CD22: variants seen among roughly 807,000 people sequenced by gnomAD.
CD22 encodes B-cell receptor CD22.
A neutral mutation model predicts 94.7 loss-of-function variants in CD22; 51 were observed. The observed-to-expected ratio is 0.54, with a 90% CI of 0.43 to 0.68. The LOEUF (loss-of-function observed/expected upper bound fraction) is 0.68. CD22 is among the 30% of genes least tolerant of loss of function. The pLI is 0.00. For synonymous variants in CD22, 424 were observed against 422.5 expected (o/e 1.00, Z -0.04); for missense variants, 931 against 1,060.4 (o/e 0.88, Z 1.69).
At position 35,337,638 on chromosome 19, in the gene CD22, A is replaced by G. The variant is rs746035921; in HGVS notation, c.719-117A>G. The G allele has an allele frequency of 1.3e-4, 112 of 891,348 alleles. No homozygotes were observed. The African/African-American group carries it at 1.6e-3, about 12-fold the overall frequency. 55.2% of individuals were successfully genotyped at this position (891,348 alleles called of 1,614,324 possible). On this transcript the variant is annotated intron_variant, in intron 4 of 13. Transcript: ENST00000085219. This position sits in a 1 kb window ranked among gnomAD's most constrained non-coding sequence, Gnocchi z 4.4. Reference sequence around the variant, plus strand: ...AGAGCCGAGTTAGGAGGCTGTGACCATCACCTGGGTGAAGGGACTGGCAGG... The same window carrying G: ...AGAGCCGAGTTAGGAGGCTGTGACCGTCACCTGGGTGAAGGGACTGGCAGG...
At position 35,332,625 on chromosome 19, in the gene CD22, C is replaced by T. The variant is rs144011147; in HGVS notation, c.113C>T (p.Ala38Val). Residue 38 changes from alanine (A) to valine (V), a missense_variant, in exon 3 of 14, where the codon GCC (alanine) becomes GTC (valine). By Grantham distance (64) the Ala-to-Val change is moderately conservative (BLOSUM62 0). Transcript: ENST00000085219. ...GAAACCCTCTACGCCTGGGAGGGGG[C>T]CTGCGTCTGGATCCCCTGCACCTAC... is the stretch of plus-strand genomic sequence containing the variant. Reference protein sequence around the residue: ...HPETLYAWEGACVWIPCTYRA... With the variant: ...HPETLYAWEGVCVWIPCTYRA... 9.4e-5 allele frequency: 151 copies of T among 1,613,932 alleles called. No individual in the cohort carries two copies. The African/African-American group carries it at 1.8e-3, about 19-fold the overall frequency.
intron 5 of CD22, 26 bp downstream of exon 5, chr19:35,338,047 G>A (rs1454981226): frequency 1.3e-6 from 2 of 1,591,796 alleles, no homozygotes; most frequent in African/African-American, 1.3e-5. Flanking sequence ...CTGGGGACAG[G>A]CCAGGCAGGG....
rs2066813216 is a variant in CD22, at chr19:35,341,754, G to A, written c.1824G>A (p.Glu608=). Residue 608 remains glutamate (E), a synonymous_variant, in exon 9 of 14, where the codon GAG becomes GAA. Coordinates refer to ENST00000085219, the MANE Select transcript of CD22 (RefSeq NM_001771.4). This position sits in a 1 kb window ranked among gnomAD's most constrained non-coding sequence, Gnocchi z 4.0. ...TGAGCCCGGGGGACCAAGTGATGGA[G>A]GGGAAGAGTGCAACCCTGACCTGTG... ...VSMSPGDQVM[E]GKSATLTCES... 1.2e-6 allele frequency: 2 copies of A among 1,611,848 alleles called. No homozygotes were observed. Among genetic ancestry groups the A allele is most frequent in the Non-Finnish European group, 8.5e-7 (1 of 1,179,930 alleles).
At chr19:35,333,070 C>G (rs2066668348) in intron 3 of CD22, 146 bp downstream of exon 3, 1 of 753,180 alleles carries the variant, frequency 1.3e-6, no homozygotes, top group African/African-American at 1.7e-5. Context: ...GGCGATGCAG[C>G]AGCACTAGAC....
intron 4 of CD22, chr19:35,336,602 A>T (rs1003603181): frequency 2.4e-5 from 12 of 495,330 alleles, no homozygotes; most frequent in Non-Finnish European, 4.3e-5. Context: ...CTTGGTGGGG[A>T]TTTTTTTCGC....
At chr19:35,340,844 T>C (rs771106008) in intron 6 of CD22, 37 bp from the exon 7 acceptor site, 100 of 1,612,732 alleles carry the variant, frequency 6.2e-5, no homozygotes, top group Non-Finnish European at 7.8e-5. Flanking sequence ...TGTGGACAGC[T>C]GGCTTTTCTT....
chr19:35,334,991 T>C (rs1180516281), intron 3 of CD22, among the ~76,000 whole-genome samples: 1 of 141,094 alleles, frequency 7.1e-6, no homozygotes, highest in Non-Finnish European at 1.5e-5. Flanking sequence ...GGCAGGAGAA[T>C]GGCGTGAACC....
rs767783646 is a variant in CD22 at position 35,346,643 on chromosome 19, C to T, written c.2490C>T (p.Val830=). 36 of 1,607,748 alleles carry T rather than the reference C, an allele frequency of 2.2e-5. No homozygotes were observed. Among genetic ancestry groups the T allele is most frequent in the Non-Finnish European group, 2.6e-5 (31 of 1,176,980 alleles). ...IHYSELIQFG[V]GERPQAQENV... ...ACTCAGAGCTGATCCAGTTTGGGGTCGGGGAGCGGCCTCAGGCACAAGAAA... is the reference window on the plus strand; with the variant it reads ...ACTCAGAGCTGATCCAGTTTGGGGTTGGGGAGCGGCCTCAGGCACAAGAAA... The change falls in exon 14 of 14, where the codon GTC becomes GTT. Residue 830 remains valine, a synonymous_variant. Transcript: ENST00000085219.
rs948821707 is a variant in CD22, at chr19:35,333,044, G to C, written c.412+120G>C. 6.6e-6 allele frequency: 7 copies of C among 1,052,786 alleles called. No homozygotes were observed. In the African/African-American group the frequency reaches 9.5e-5, roughly 14 times the overall value. The allele number at this position is 1,052,786 out of a possible 1,614,324, so 65.2% of individuals were successfully genotyped here. A position where few individuals can be genotyped will look rare whatever the true frequency, so the allele number is the denominator to read the frequency against. On this transcript the variant is annotated intron_variant, in intron 3 of 13. Coordinates refer to ENST00000085219, the MANE Select transcript of CD22 (RefSeq NM_001771.4). ...TTCCTGCAGAGCTCAGGCAGGGGAC[G>C]CCAGCGGATGACGATGGCGATGCAG...
intron 4 of CD22, 46 bp downstream of exon 4, chr19:35,336,387 C>A: frequency 6.3e-7 from 1 of 1,580,340 alleles, no homozygotes; most frequent in Non-Finnish European, 8.6e-7. Flanking sequence ...GTCTGTGTCA[C>A]CTTCTCCCCA....
Position 35,345,678 on chromosome 19 carries a change from A to T in CD22, c.2285A>T (p.Tyr762Phe). 6.2e-7 allele frequency: 1 copy of T among 1,612,298 alleles called. No individual in the cohort carries two copies. Among genetic ancestry groups the T allele is most frequent in the Non-Finnish European group, 8.5e-7 (1 of 1,178,366 alleles). The stretch of plus-strand genomic sequence containing the variant: ...CCAATGATGGAAGATGGCATTAGCT[A>T]CACCACCCTGCGCTTTCCCGAGATG... ...YNPMMEDGIS[Y>F]TTLRFPEMNI... The change falls in exon 12 of 14, where the codon TAC (tyrosine) becomes TTC (phenylalanine). Residue 762 changes from tyrosine to phenylalanine, a missense_variant. Physicochemically the swap from Tyr to Phe is conservative, Grantham distance 22. Coordinates refer to ENST00000085219, the MANE Select transcript of CD22 (RefSeq NM_001771.4).
intron 6 of CD22, 90 bp from the exon 7 acceptor site, chr19:35,340,791 G>C (rs770244366): frequency 8.2e-5 from 118 of 1,443,952 alleles, no homozygotes; most frequent in Non-Finnish European, 1.1e-4. Flanking sequence ...GCAGATGCCC[G>C]GGACAGGTAG....
In CD22 at chr19:35,340,940, A is replaced by T. The variant is rs748804995; in HGVS notation, c.1309A>T (p.Thr437Ser). The change falls in exon 7 of 14, where the codon ACA becomes TCA. Residue 437 changes from threonine (T) to serine (S), a missense_variant. Thr to Ser is a moderately conservative substitution (Grantham distance 58, BLOSUM62 1). Coordinates refer to ENST00000085219, the MANE Select transcript of CD22 (RefSeq NM_001771.4). ...QNPMPIREGD[T>S]VTLSCNYNSS... Reference sequence around the variant, plus strand: ...CCCCATGCCGATTCGAGAAGGAGACACAGTGACCCTTTCCTGTAACTACAA... The same window carrying T: ...CCCCATGCCGATTCGAGAAGGAGACTCAGTGACCCTTTCCTGTAACTACAA... The T allele has an allele frequency of 1.9e-6, 3 of 1,614,050 alleles. No homozygotes were observed. Among genetic ancestry groups the T allele is most frequent in the Non-Finnish European group, 1.7e-6 (2 of 1,180,022 alleles).
At position 35,338,392 on chromosome 19, in the gene CD22, A is replaced by T. The variant is rs1359161697; in HGVS notation, c.1210A>T (p.Thr404Ser). Residue 404 changes from threonine to serine, a missense_variant, in exon 6 of 14, where the codon ACT (threonine) becomes TCT (serine). By Grantham distance (58) the Thr-to-Ser change is moderately conservative. Transcript: ENST00000085219. ...CTGTGTGGCAGAAAACATTCTTGGTACTGGACAGAGGGGCCCGGGAGCTGA... is the reference window on the plus strand; with the variant it reads ...CTGTGTGGCAGAAAACATTCTTGGTTCTGGACAGAGGGGCCCGGGAGCTGA... ...YSCVAENILG[T>S]GQRGPGAELD... is the part of the protein sequence containing the mutation. 4 of 1,614,100 alleles carry T rather than the reference A, an allele frequency of 2.5e-6. No homozygotes were observed. The East Asian group carries it at 6.7e-5, about 27-fold the overall frequency.
Position 35,341,244 on chromosome 19 carries a change from G to C in CD22, c.1508-99G>C. On this transcript the variant is annotated intron_variant, in intron 7 of 13. Transcript: ENST00000085219. The surrounding 1 kb of genome is among the most constrained non-coding windows in gnomAD (Gnocchi z 4.0). ...GGGCCAGTGTCTTCAACAGAATTGA[G>C]GGACAGGAGCCTGGCGTCAGGGCCA... 6.3e-7 allele frequency: 1 copy of C among 1,595,702 alleles called. No homozygotes were observed. The highest frequency in any genetic ancestry group is 1.1e-5 in the South Asian group (1 of 89,158).
At chr19:35,343,253 G>C (rs928381750) in intron 9 of CD22, among the ~76,000 whole-genome samples, 5 of 152,072 alleles carry the variant, frequency 3.3e-5, no homozygotes, top group Admixed American at 3.3e-4. Context: ...TTTTTAAACA[G>C]ATCATACAAG....
At chr19:35,339,371 G>C (rs1458035411) in intron 6 of CD22, among the ~76,000 whole-genome samples, 1 of 151,966 alleles carries the variant, frequency 6.6e-6, no homozygotes, top group Non-Finnish European at 1.5e-5. Context: ...AGCCCAGCCT[G>C]GGCAACATGG....
At chr19:35,338,788 C>T (rs1333591079) in intron 6 of CD22, among the ~76,000 whole-genome samples, 1 of 152,098 alleles carries the variant, frequency 6.6e-6, no homozygotes, top group African/African-American at 2.4e-5. Flanking sequence ...CGCCACCACG[C>T]CCGGCTAATT....
chr19:35,345,114 G>A lies in CD22; in HGVS notation c.2196G>A (p.Val732=). ...ATTCCAGCGGCCAGAGCTTCTTTGTGAGGAATAAAAAGGTAGGATGGGGCT... is the reference window on the plus strand; with the variant it reads ...ATTCCAGCGGCCAGAGCTTCTTTGTAAGGAATAAAAAGGTAGGATGGGGCT... ...QENSSGQSFF[V]RNKKVRRAPL... is the part of the protein sequence containing the mutation. Residue 732 remains valine (V), a synonymous_variant, in exon 11 of 14, where the codon GTG becomes GTA. Transcript: ENST00000085219. 3.1e-6 allele frequency: 5 copies of A among 1,613,830 alleles called. No individual in the cohort carries two copies. The highest frequency in any genetic ancestry group is 4.2e-6 in the Non-Finnish European group (5 of 1,179,926).
Sources: gnomAD v4.1 joint callset for allele counts (sites outside exome capture counted in the v4.1 genomes callset) on GRCh38, gnomAD v4.1.1 for gene constraint, Gnocchi (gnomAD v3.1) non-coding constraint, MANE v1.5 for transcripts, NCBI Gene and HGNC (gene_info 2026-07-23, HGNC 2026-07-21) for gene names.